PALM: variants seen among roughly 807,000 people sequenced by gnomAD.
PALM encodes the protein paralemmin-1.
A neutral mutation model predicts 30.7 loss-of-function variants in PALM; 18 were observed. The observed-to-expected ratio is 0.59, with a 90% confidence interval of 0.41 to 0.87. The LOEUF (loss-of-function observed/expected upper bound fraction) is 0.87, where lower values mean the gene tolerates loss of function less well. Ranked by LOEUF, PALM falls within the 40% of genes least tolerant of loss-of-function variation. PALM has a pLI of 0.00. For synonymous variants in PALM, 286 were observed against 242.8 expected (o/e 1.18, Z -1.66); for missense variants, 529 against 555.4 (o/e 0.95, Z 0.48).
At chr19:726,959 C>T in intron 2 of PALM, 49 bp from the exon 3 acceptor site, 3 of 1,141,586 alleles carry the variant, frequency 2.6e-6, no homozygotes, top group East Asian at 2.7e-5. Flanking sequence ...GTGGGGGGGT[C>T]TCCGGGACCC....
Position 726,997 on chromosome 19 carries a change from C to T in PALM, c.58-11C>T, listed in dbSNP as rs1292766679. 8.3e-6 allele frequency: 12 copies of T among 1,443,924 alleles called. No individual in the cohort carries two copies. Among genetic ancestry groups the T allele is most frequent in the South Asian group, 1.2e-5 (1 of 82,132 alleles). 89.4% of individuals were successfully genotyped at this position (1,443,924 alleles called of 1,614,324 possible). The stretch of plus-strand genomic sequence containing the variant: ...ACGCCCATCCCTGACCCCACCCGGC[C>T]CTCCCCACAGGAGAAGCGGAAGCGG... On this transcript the variant is annotated splice_polypyrimidine_tract_variant and intron_variant, in intron 2 of 8. Coordinates refer to ENST00000338448, the MANE Select transcript of PALM (RefSeq NM_002579.3).
At position 747,238 on chromosome 19, in the gene PALM, C is replaced by A. The variant is rs533644389; in HGVS notation, c.*424C>A. ...GGGGACACCCCGCCAGAGAGGGCCCCGGGAGCCGGGGGTGGGTACTGAGGC... is the reference window on the plus strand; with the variant it reads ...GGGGACACCCCGCCAGAGAGGGCCCAGGGAGCCGGGGGTGGGTACTGAGGC... On this transcript the variant is annotated 3_prime_UTR_variant, in exon 9 of 9. Transcript: ENST00000338448. 1.1e-4 allele frequency: 19 copies of A among 175,050 alleles called. No homozygotes were observed. The highest frequency in any genetic ancestry group is 1.6e-4 in the Non-Finnish European group (13 of 83,346). 10.8% of individuals were successfully genotyped at this position (175,050 alleles called of 1,614,324 possible). A position where few individuals can be genotyped will look rare whatever the true frequency, so the allele number is the denominator to read the frequency against.
At chr19:722,023 A>T (rs1015695635) in intron 1 of PALM, among the ~76,000 whole-genome samples, 6 of 151,980 alleles carry the variant, frequency 3.9e-5, no homozygotes, top group Non-Finnish European at 8.8e-5. Context: ...GGTTCACGCC[A>T]TTCTCCTGCC....
At chr19:729,985 T>C (rs947447471) in intron 4 of PALM, among the ~76,000 whole-genome samples, 7 of 152,218 alleles carry the variant, frequency 4.6e-5, no homozygotes, top group African/African-American at 1.7e-4. Context: ...GGCCCCTCGA[T>C]GGAGGGTGAA....
chr19:741,721 C>A (rs371883809), intron 8 of PALM, among the ~76,000 whole-genome samples: 1 of 151,912 alleles, frequency 6.6e-6, no homozygotes, highest in Non-Finnish European at 1.5e-5. Flanking sequence ...GTGCTGAGGT[C>A]TAATTTGGTT....
chr19:719,642 C>G, intron 1 of PALM: 1 of 985,618 alleles, frequency 1.0e-6, no homozygotes, highest in Non-Finnish European at 1.2e-6. Context: ...CGGGACTCAG[C>G]TCCTCCGCCC....
In PALM at chr19:746,360, A is replaced by T. The variant is rs780616453; in HGVS notation, c.710A>T (p.His237Leu). 6.2e-7 allele frequency: 1 copy of T among 1,613,314 alleles called. No homozygotes were observed. The highest frequency in any genetic ancestry group is 1.7e-5 in the Admixed American group (1 of 60,008). ...LSSSEVDELI[H>L]KADEVTLSEA... ...TCCTCCGAGGTGGACGAACTCATCC[A>T]CAAAGCGGACGAGGTCACGCTGAGC... Residue 237 changes from histidine to leucine, a missense_variant, in exon 9 of 9, where the codon CAC becomes CTC. Transcript: ENST00000338448. This position sits in a 1 kb window ranked among gnomAD's most constrained non-coding sequence, Gnocchi z 7.1.
At chr19:730,310 G>A (rs1367817627) in intron 4 of PALM, among the ~76,000 whole-genome samples, 3 of 152,154 alleles carry the variant, frequency 2.0e-5, no homozygotes, top group East Asian at 3.9e-4. Flanking sequence ...CTCAGCCCTC[G>A]TCTGTCCTGT....
intron 4 of PALM, among the ~76,000 whole-genome samples, chr19:730,546 A>G (rs1568227517): frequency 6.6e-6 from 1 of 152,198 alleles, no homozygotes; most frequent in Non-Finnish European, 1.5e-5. Flanking sequence ...AGACAGTGAC[A>G]TAAACAGCGC....
chr19:719,160 G>C, intron 1 of PALM: 1 of 985,442 alleles, frequency 1.0e-6, no homozygotes, highest in Non-Finnish European at 1.2e-6. Context: ...AGCTGCCCGG[G>C]CGTGGGTTCT....
rs2144892955 is a variant in PALM at position 731,149 on chromosome 19, CAAG to C, written c.325_327del (p.Lys109del). On this transcript the variant is annotated inframe_deletion, in exon 5 of 9. Coordinates refer to ENST00000338448, the MANE Select transcript of PALM (RefSeq NM_002579.3). ...GTGGAGACTCCGCCCCAGCCACTGCCAAGGAGAACGCGGCGGCCCCGAGCCCAG... is the reference window on the plus strand; with the variant it reads ...GTGGAGACTCCGCCCCAGCCACTGCCGAGAACGCGGCGGCCCCGAGCCCAG... The C allele has an allele frequency of 6.2e-7, 1 of 1,608,442 alleles. No homozygotes were observed. The highest frequency in any genetic ancestry group is 2.2e-5 in the East Asian group (1 of 44,728).
Position 709,634 on chromosome 19 carries a change from C to G in PALM, c.5+483C>G, listed in dbSNP as rs535280976. 3.0e-4 allele frequency among the ~76,000 whole-genome samples: 46 copies of G among 152,202 alleles called. No individual in the cohort carries two copies. The highest frequency in any genetic ancestry group is 1.1e-3 in the African/African-American group (46 of 41,560). On this transcript the variant is annotated intron_variant, in intron 1 of 8. Transcript: ENST00000338448. The surrounding 1 kb of genome is among the most constrained non-coding windows in gnomAD (Gnocchi z 4.3). ...GACGCGCGCGCGGGCCGGTGCCCCC[C>G]ACCCCCGCCCTTCCCAAGGGCCTCC...
chr19:728,314 A>G (rs1373375143), intron 4 of PALM, among the ~76,000 whole-genome samples: 1 of 152,152 alleles, frequency 6.6e-6, no homozygotes, highest in East Asian at 1.9e-4. Context: ...AGTGACGACC[A>G]AGATTCCAAA....
chr19:711,131 AT>A, intron 1 of PALM: 1 of 909,352 alleles, frequency 1.1e-6, no homozygotes, highest in Non-Finnish European at 1.3e-6. Context: ...AGAACAGGTT[AT>A]TTTTTGTTAA....
Position 746,379 on chromosome 19 carries a change from G to A in PALM, c.729G>A (p.Thr243=), listed in dbSNP as rs1378982948. The part of the protein sequence containing the change: ...DELIHKADEV[T]LSEAGSTAGA... The stretch of plus-strand genomic sequence containing the variant: ...TCATCCACAAAGCGGACGAGGTCAC[G>A]CTGAGCGAGGCAGGGTCCACGGCCG... The change falls in exon 9 of 9, where the codon ACG becomes ACA. Residue 243 remains threonine, a synonymous_variant. Transcript: ENST00000338448. The surrounding 1 kb of genome is among the most constrained non-coding windows in gnomAD (Gnocchi z 7.1). The A allele has an allele frequency of 3.7e-6, 6 of 1,613,314 alleles. No individual in the cohort carries two copies. The highest frequency in any genetic ancestry group is 1.7e-5 in the Admixed American group (1 of 60,014).
Position 746,327 on chromosome 19 carries a change from C to A in PALM, c.677C>A (p.Pro226His), listed in dbSNP as rs755887333. The A allele has an allele frequency of 7.4e-6, 12 of 1,613,062 alleles. No individual in the cohort carries two copies. Among genetic ancestry groups the A allele is most frequent in the Non-Finnish European group, 1.0e-5 (12 of 1,179,224 alleles). Residue 226 changes from proline to histidine, a missense_variant, in exon 9 of 9, where the codon CCC becomes CAC. Transcript: ENST00000338448. This position sits in a 1 kb window ranked among gnomAD's most constrained non-coding sequence, Gnocchi z 7.1. ...GGCACCGCCGAGAACGGGATCCACC[C>A]CCTGAGCTCCTCCGAGGTGGACGAA... ...VDGTAENGIHPLSSSEVDELI... is the reference protein window; with the variant it reads ...VDGTAENGIHHLSSSEVDELI...
At chr19:736,133 T>C in intron 7 of PALM, 55 bp downstream of exon 7, 1 of 1,189,570 alleles carries the variant, frequency 8.4e-7, no homozygotes, top group Non-Finnish European at 1.2e-6. Context: ...AGGGACCAAG[T>C]CTCGGTCCGG....
At chr19:731,893 C>G (rs185777232) in intron 5 of PALM, among the ~76,000 whole-genome samples, 1 of 151,860 alleles carries the variant, frequency 6.6e-6, no homozygotes, top group African/African-American at 2.4e-5. Context: ...AACTCCTGAC[C>G]TCAGGTGATC....
intron 1 of PALM, among the ~76,000 whole-genome samples, chr19:712,430 A>T (rs1242949769): frequency 6.7e-6 from 1 of 148,448 alleles, no homozygotes; most frequent in Non-Finnish European, 1.5e-5. Flanking sequence ...TCCATCACCC[A>T]GGCAGTGCAG....
Sources: allele counts gnomAD v4.1 joint callset (sites outside exome capture counted in the v4.1 genomes callset), GRCh38; gene constraint gnomAD v4.1.1; non-coding constraint Gnocchi (gnomAD v3.1); transcripts MANE v1.5; gene names NCBI Gene and HGNC (gene_info 2026-07-23, HGNC 2026-07-21).